The following EML4 variants were observed in gnomAD, a reference collection of about 807,000 sequenced individuals.
EML4 encodes echinoderm microtubule-associated protein-like 4.
EML4 carries 72 observed loss-of-function variants against 129.0 expected under a neutral mutation model. The ratio of observed to expected loss-of-function variants is 0.56; its 90% CI spans 0.46 to 0.68. EML4 has a LOEUF of 0.68. Ranked by LOEUF, EML4 falls within the 30% of genes least tolerant of loss-of-function variation. The pLI, the probability that EML4 is intolerant of heterozygous loss-of-function variation, is 0.00. For synonymous variants in EML4, 532 were observed against 405.0 expected, an observed-to-expected ratio of 1.31 and a Z score of -3.77; for missense variants, 1,363 against 1,190.6, an observed-to-expected ratio of 1.14 and a Z score of -2.13.
At chr2:42,186,703 C>T (rs1486351723) in intron 1 of EML4, among the ~76,000 whole-genome samples, 2 of 152,122 alleles carry the variant, frequency 1.3e-5, no homozygotes, top group African/African-American at 2.4e-5. Flanking sequence ...TTCTCACAGT[C>T]CTTTGTTTTA....
intron 11 of EML4, among the ~76,000 whole-genome samples, chr2:42,290,501 A>AG (rs1261636083): frequency 6.6e-6 from 1 of 151,280 alleles, no homozygotes; most frequent in Non-Finnish European, 1.5e-5. Context: ...CCAAGGCAGG[A>AG]GGATCACTTG....
At chr2:42,210,356 A>T (rs1672821323) in intron 1 of EML4, among the ~76,000 whole-genome samples, 1 of 152,124 alleles carries the variant, frequency 6.6e-6, no homozygotes, top group African/African-American at 2.4e-5. Flanking sequence ...TGTTTTGGGG[A>T]GGAAGACCAC....
chr2:42,280,753 T>G, intron 6 of EML4, 97 bp from the exon 7 acceptor site: 1 of 919,642 alleles, frequency 1.1e-6, no homozygotes, highest in Non-Finnish European at 1.6e-6. Context: ...GAAGTAGTCA[T>G]TTTTGTCTTG....
chr2:42,245,703 A>G lies in EML4; in HGVS notation c.208+16A>G, dbSNP rs1675358779. On this transcript the variant is annotated intron_variant, in intron 2 of 22. Coordinates refer to ENST00000318522, the MANE Select transcript of EML4 (RefSeq NM_019063.5). ...TCAAGTAAAGGTAATTGTGTTGTAA[A>G]GTTAAAAAGAGTCTTGCTTTTTGCA... The G allele has an allele frequency of 6.4e-7, 1 of 1,556,016 alleles. No homozygotes were observed. The highest frequency in any genetic ancestry group is 8.7e-7 in the Non-Finnish European group (1 of 1,153,678).
intron 17 of EML4, 60 bp from the exon 18 acceptor site, chr2:42,315,902 A>G (rs908662228): frequency 4.7e-6 from 6 of 1,277,976 alleles, no homozygotes; most frequent in Non-Finnish European, 6.7e-6. Flanking sequence ...AAAAAGAACA[A>G]CTTTTTTTTT....
At chr2:42,203,925 C>T (rs948797279) in intron 1 of EML4, among the ~76,000 whole-genome samples, 1 of 152,036 alleles carries the variant, frequency 6.6e-6, no homozygotes, top group Non-Finnish European at 1.5e-5. Flanking sequence ...TGTTACCTTT[C>T]TTTTTCCCCC....
chr2:42,316,057 A>C lies in EML4; in HGVS notation c.2056+7A>C, dbSNP rs1241035234. On this transcript the variant is annotated splice_region_variant and intron_variant, in intron 18 of 22. Coordinates refer to ENST00000318522, the MANE Select transcript of EML4 (RefSeq NM_019063.5). ...GTGATGCGCTACTCAATAGGTAGGCAAATTTACTCCCACCTCCCAAGCATG... is the reference window on the plus strand; with the variant it reads ...GTGATGCGCTACTCAATAGGTAGGCCAATTTACTCCCACCTCCCAAGCATG... 6.2e-7 allele frequency: 1 copy of C among 1,600,556 alleles called. No individual in the cohort carries two copies. The highest frequency in any genetic ancestry group is 1.7e-5 in the Admixed American group (1 of 59,850).
At chr2:42,170,242 T>G (rs1670189421) in intron 1 of EML4, 1 of 152,326 alleles carries the variant, frequency 6.6e-6, no homozygotes, top group African/African-American at 2.4e-5. Context: ...CTGAGCATTT[T>G]GCAGTGGTGG....
chr2:42,316,046 A>C lies in EML4; in HGVS notation c.2052A>C (p.Ser684=). Residue 684 remains serine, a synonymous_variant, in exon 18 of 23, where the codon TCA becomes TCC. Transcript: ENST00000318522. ...GNEQLSVMRY[S]IDGTFLAVGS... Reference sequence around the variant, plus strand: ...AACAGCTCTCTGTGATGCGCTACTCAATAGGTAGGCAAATTTACTCCCACC... The same window carrying C: ...AACAGCTCTCTGTGATGCGCTACTCCATAGGTAGGCAAATTTACTCCCACC... The C allele has an allele frequency of 6.2e-7, 1 of 1,611,004 alleles. No homozygotes were observed. Among genetic ancestry groups the C allele is most frequent in the Non-Finnish European group, 8.5e-7 (1 of 1,177,590 alleles).
At chr2:42,186,410 C>T (rs1328679479) in intron 1 of EML4, among the ~76,000 whole-genome samples, 1 of 151,644 alleles carries the variant, frequency 6.6e-6, no homozygotes, top group East Asian at 1.9e-4. Flanking sequence ...TGCTGTATAC[C>T]CTAGGGTAGA....
chr2:42,317,622 T>C (rs756494497), intron 19 of EML4, 98 bp downstream of exon 19: 1 of 753,512 alleles, frequency 1.3e-6, no homozygotes, highest in Non-Finnish European at 2.2e-6. Flanking sequence ...TTCCTGTCGT[T>C]AGCTGCTTTA....
At chr2:42,229,402 C>T (rs1185177693) in intron 1 of EML4, among the ~76,000 whole-genome samples, 1 of 152,186 alleles carries the variant, frequency 6.6e-6, no homozygotes, top group Non-Finnish European at 1.5e-5. Flanking sequence ...AAATCCAGCA[C>T]TGTGCTCTTA....
At chr2:42,180,898 G>A (rs1670896937) in intron 1 of EML4, among the ~76,000 whole-genome samples, 1 of 152,126 alleles carries the variant, frequency 6.6e-6, no homozygotes, top group Admixed American at 6.5e-5. Context: ...CTTGGGTTTT[G>A]TCACCTTGAC....
chr2:42,260,054 A>C (rs1488182420), intron 3 of EML4, among the ~76,000 whole-genome samples: 1 of 149,220 alleles, frequency 6.7e-6, no homozygotes, highest in East Asian at 2.0e-4. Context: ...TTAAAGAGAC[A>C]GAGTCTCACT....
At chr2:42,276,467 A>G (rs1474609423) in intron 6 of EML4, among the ~76,000 whole-genome samples, 1 of 152,126 alleles carries the variant, frequency 6.6e-6, no homozygotes, top group African/African-American at 2.4e-5. Context: ...GTTGTTTTAA[A>G]GTGTACATAA....
chr2:42,267,029 A>G (rs1329227020), intron 6 of EML4, among the ~76,000 whole-genome samples: 2 of 152,216 alleles, frequency 1.3e-5, no homozygotes, highest in African/African-American at 4.8e-5. Flanking sequence ...ATGTTTAAAC[A>G]CATGGATTTT....
intron 1 of EML4, among the ~76,000 whole-genome samples, chr2:42,171,878 G>C (rs1057336642): frequency 1.7e-4 from 26 of 152,320 alleles, no homozygotes; most frequent in African/African-American, 6.3e-4. Flanking sequence ...GGGAGGAGTA[G>C]TGCTGGTATA....
At chr2:42,181,352 G>A (rs1204712885) in intron 1 of EML4, among the ~76,000 whole-genome samples, 1 of 152,126 alleles carries the variant, frequency 6.6e-6, no homozygotes, top group Non-Finnish European at 1.5e-5. Context: ...AGACTGGAGT[G>A]CAGTGGTGCG....
chr2:42,185,905 G>A (rs1671223298), intron 1 of EML4, among the ~76,000 whole-genome samples: 1 of 152,162 alleles, frequency 6.6e-6, no homozygotes, highest in Non-Finnish European at 1.5e-5. Flanking sequence ...TCAGTAGTGG[G>A]ATAGGAGATA....
Sources: allele counts gnomAD v4.1 joint callset (sites outside exome capture counted in the v4.1 genomes callset), GRCh38; gene constraint gnomAD v4.1.1; transcripts MANE v1.5; gene names NCBI Gene and HGNC (gene_info 2026-07-23, HGNC 2026-07-21).